MTHFD2L: variants seen among roughly 807,000 people sequenced by gnomAD.
MTHFD2L encodes the protein bifunctional methylenetetrahydrofolate dehydrogenase/cyclohydrolase 2, mitochondrial.
Under a neutral mutation model 34.9 loss-of-function variants are expected in MTHFD2L, and 29 were observed. The ratio of observed to expected loss-of-function variants is 0.83; its 90% confidence interval spans 0.62 to 1.13. MTHFD2L has a LOEUF of 1.13. MTHFD2L is among the 50% of genes most tolerant of loss of function. The pLI is 0.00. For missense variants in MTHFD2L, 481 were observed against 446.5 expected (o/e 1.08, Z -0.70); for synonymous variants, 167 against 155.7 (o/e 1.07, Z -0.54).
upstream of MTHFD2L, among the ~76,000 whole-genome samples, chr4:74,124,520 A>T (rs956497248): frequency 1.3e-4 from 19 of 151,722 alleles, no homozygotes; most frequent in Admixed American, 9.9e-4. Flanking sequence ...TGACATTCAA[A>T]ATAGTCAGTG....
At chr4:74,173,790 G>A (rs181928144) in intron 1 of MTHFD2L, among the ~76,000 whole-genome samples, 1 of 152,232 alleles carries the variant, frequency 6.6e-6, no homozygotes, top group African/African-American at 2.4e-5. Flanking sequence ...CAGATCTTGA[G>A]TATGTGGTTT....
At chr4:74,249,420 C>T (rs1742989424) in intron 6 of MTHFD2L, among the ~76,000 whole-genome samples, 1 of 152,220 alleles carries the variant, frequency 6.6e-6, no homozygotes, top group South Asian at 2.1e-4. Flanking sequence ...ACTGATGGGT[C>T]TTGACTCTTT....
chr4:74,241,074 T>C (rs972307992), intron 6 of MTHFD2L, among the ~76,000 whole-genome samples: 1 of 152,180 alleles, frequency 6.6e-6, no homozygotes, highest in East Asian at 1.9e-4. Flanking sequence ...ATATGTAGTA[T>C]AAAGAAGTCA....
intron 6 of MTHFD2L, among the ~76,000 whole-genome samples, chr4:74,245,330 A>G (rs1160170936): frequency 1.3e-5 from 2 of 151,648 alleles, no homozygotes; most frequent in African/African-American, 4.8e-5. Context: ...TAGTTGAAAT[A>G]TGTTATTTAT....
intron 1 of MTHFD2L, among the ~76,000 whole-genome samples, chr4:74,131,967 C>CA (rs1231102127): frequency 1.3e-5 from 2 of 151,720 alleles, no homozygotes; most frequent in African/African-American, 2.4e-5. Flanking sequence ...TTTATGCGGC[C>CA]AAAAAAACAT....
At chr4:74,201,137 A>G (rs974369481) in intron 4 of MTHFD2L, 126 bp from the exon 5 acceptor site, 13 of 628,026 alleles carry the variant, frequency 2.1e-5, no homozygotes, top group Non-Finnish European at 3.6e-5. Flanking sequence ...CTCATATTAT[A>G]GATAAGCCAC....
intron 6 of MTHFD2L, among the ~76,000 whole-genome samples, chr4:74,237,636 C>T (rs908440556): frequency 6.6e-6 from 1 of 152,120 alleles, no homozygotes; most frequent in African/African-American, 2.4e-5. Flanking sequence ...AAGTCAAGTG[C>T]TTATCTTGAT....
intron 3 of MTHFD2L, chr4:74,182,852 T>A (rs1730454292): frequency 6.6e-6 from 1 of 152,200 alleles, no homozygotes; most frequent in South Asian, 2.1e-4. Context: ...TGTTGCATTG[T>A]TCTTGGAAAC....
At chr4:74,208,266 A>G (rs1296417756) in intron 5 of MTHFD2L, among the ~76,000 whole-genome samples, 1 of 132,676 alleles carries the variant, frequency 7.5e-6, no homozygotes, top group Non-Finnish European at 1.7e-5. Context: ...TCTAAATTGA[A>G]TAATAGGAGC....
intron 6 of MTHFD2L, among the ~76,000 whole-genome samples, chr4:74,248,027 A>T (rs1045516227): frequency 1.3e-5 from 2 of 151,918 alleles, no homozygotes; most frequent in Admixed American, 6.6e-5. Context: ...CTCTTTTTCT[A>T]TTGAATGGAA....
At chr4:74,152,944 T>C (rs1291463490) in intron 1 of MTHFD2L, among the ~76,000 whole-genome samples, 1 of 152,264 alleles carries the variant, frequency 6.6e-6, no homozygotes, top group Non-Finnish European at 1.5e-5. Flanking sequence ...TAGCTGATGC[T>C]GCCAAGCTAA....
chr4:74,258,070 A>C (rs975017789), intron 6 of MTHFD2L, among the ~76,000 whole-genome samples: 1 of 152,150 alleles, frequency 6.6e-6, no homozygotes, highest in Admixed American at 6.5e-5. Context: ...ATGCTGGAAA[A>C]AAAAAAGGTT....
intron 1 of MTHFD2L, among the ~76,000 whole-genome samples, chr4:74,165,799 A>C (rs1472324762): frequency 1.2e-4 from 19 of 152,244 alleles, no homozygotes; most frequent in Admixed American, 6.5e-5. Flanking sequence ...TAAATGGAAC[A>C]GTCTTAATTC....
chr4:74,163,162 A>G (rs1725829198), intron 1 of MTHFD2L, among the ~76,000 whole-genome samples: 2 of 152,224 alleles, frequency 1.3e-5, no homozygotes, highest in African/African-American at 2.4e-5. Context: ...CAGATATTTC[A>G]GTATCACAAA....
chr4:74,265,089 G>T (rs1745123357), intron 6 of MTHFD2L, among the ~76,000 whole-genome samples: 1 of 151,742 alleles, frequency 6.6e-6, no homozygotes, highest in Non-Finnish European at 1.5e-5. Context: ...TCATGCTATT[G>T]CTGTGGAAGA....
intron 6 of MTHFD2L, among the ~76,000 whole-genome samples, chr4:74,226,028 G>A (rs1739108480): frequency 1.3e-5 from 2 of 151,912 alleles, no homozygotes; most frequent in South Asian, 2.1e-4. Context: ...AAAAACCCAA[G>A]CCCAAACTTT....
chr4:74,179,690 A>G (rs754144003), intron 3 of MTHFD2L, among the ~76,000 whole-genome samples: 21 of 152,112 alleles, frequency 1.4e-4, no homozygotes, highest in Non-Finnish European at 2.8e-4. Context: ...AGTTAATAGA[A>G]AAAGTTGGTT....
intron 5 of MTHFD2L, among the ~76,000 whole-genome samples, chr4:74,207,982 CA>C (rs899383936): frequency 5.9e-4 from 90 of 151,936 alleles, no homozygotes; most frequent in African/African-American, 2.1e-3. Context: ...GTGATCACAC[CA>C]CTGAGACTGA....
chr4:74,199,446 G>T (rs993235847), intron 3 of MTHFD2L, among the ~76,000 whole-genome samples: 3 of 152,184 alleles, frequency 2.0e-5, no homozygotes, highest in East Asian at 1.9e-4. Flanking sequence ...TAGAAATGTG[G>T]ATTCAAACCC....
Sources: gnomAD v4.1 joint callset for allele counts (sites outside exome capture counted in the v4.1 genomes callset) on GRCh38, gnomAD v4.1.1 for gene constraint, MANE v1.5 for transcripts, NCBI Gene and HGNC (gene_info 2026-07-23, HGNC 2026-07-21) for gene names.